HCRTR2: variants seen among roughly 807,000 people sequenced by gnomAD.
The protein encoded by HCRTR2 is orexin receptor type 2.
Under a neutral mutation model 49.0 loss-of-function variants are expected in HCRTR2, and 22 were observed. The ratio of observed to expected loss-of-function variants is 0.45; its 90% CI spans 0.32 to 0.64. The LOEUF is 0.64. Ranked by LOEUF, HCRTR2 falls within the 30% of genes least tolerant of loss-of-function variation. The pLI is 0.04. For missense variants in HCRTR2, 491 were observed against 559.4 expected, an observed-to-expected ratio of 0.88 and a Z score of 1.23; for synonymous variants, 236 against 205.3, an observed-to-expected ratio of 1.15 and a Z score of -1.28.
chr6:55,240,255 G>A lies in HCRTR2; in HGVS notation c.224-8384G>A, dbSNP rs557331634. ...CGCCTGTAGTTCCAGCTACTCAGGAGGCTGAGGCAGGAGAATGGCGTGAAC... is the reference window on the plus strand; with the variant it reads ...CGCCTGTAGTTCCAGCTACTCAGGAAGCTGAGGCAGGAGAATGGCGTGAAC... On this transcript the variant is annotated intron_variant, in intron 1 of 6. Transcript: ENST00000370862. Among the ~76,000 whole-genome samples the A allele has an allele frequency of 1.3e-4, 20 of 150,674 alleles. No individual in the cohort carries two copies. The South Asian group carries it at 4.2e-3, about 32-fold the overall frequency.
upstream of HCRTR2, among the ~76,000 whole-genome samples, chr6:55,173,895 A>C (rs184511033): frequency 3.9e-3 from 587 of 152,346 alleles, 4 homozygotes; most frequent in Middle Eastern, 0.017. Context: ...GTCAAATGTT[A>C]AAATAAGTTT....
chr6:55,222,358 C>T (rs939467149), intron 1 of HCRTR2, among the ~76,000 whole-genome samples: 4 of 150,122 alleles, frequency 2.7e-5, no homozygotes, highest in Admixed American at 6.6e-5. Flanking sequence ...CTTTGTACAG[C>T]CACTGTGAAA....
intron 1 of HCRTR2, among the ~76,000 whole-genome samples, chr6:55,149,297 A>G (rs936028262): frequency 6.6e-6 from 1 of 152,156 alleles, no homozygotes; most frequent in South Asian, 2.1e-4. Flanking sequence ...GAAGTCATCA[A>G]TATGTTTCAT....
chr6:55,163,577 A>C (rs1764836815), intron 1 of HCRTR2, among the ~76,000 whole-genome samples: 1 of 152,226 alleles, frequency 6.6e-6, no homozygotes, highest in Admixed American at 6.5e-5. Context: ...AGCCATATGC[A>C]GAAAACTGAA....
chr6:55,138,601 G>A (rs1243127412), intron 1 of HCRTR2, among the ~76,000 whole-genome samples: 2 of 152,166 alleles, frequency 1.3e-5, no homozygotes, highest in Non-Finnish European at 2.9e-5. Flanking sequence ...TTACATATAT[G>A]AATTCCTTCT....
chr6:55,208,326 A>T (rs1248711197), intron 1 of HCRTR2, among the ~76,000 whole-genome samples: 23 of 146,146 alleles, frequency 1.6e-4, no homozygotes, highest in African/African-American at 5.9e-4. Flanking sequence ...AAATAAAAAA[A>T]TAAAAAAAAA....
At chr6:55,202,898 C>T (rs1452238399) in intron 1 of HCRTR2, among the ~76,000 whole-genome samples, 1 of 152,198 alleles carries the variant, frequency 6.6e-6, no homozygotes, top group African/African-American at 2.4e-5. Flanking sequence ...CTCCCTGCCA[C>T]CCAACGCACA....
At position 55,265,790 on chromosome 6, in the gene HCRTR2, T is replaced by G. The variant is rs532674675; in HGVS notation, c.762+1968T>G. On this transcript the variant is annotated intron_variant, in intron 4 of 6. Coordinates refer to ENST00000370862, the MANE Select transcript of HCRTR2 (RefSeq NM_001384272.1). ...TCCACCAAGTAGTAGTGACATGAAT[T>G]TTGTAAATGGCTTAAATTTTTGTGA... Among the ~76,000 whole-genome samples the G allele has an allele frequency of 8.5e-4, 130 of 152,178 alleles. No homozygotes were observed. In the Middle Eastern group the frequency reaches 0.01, roughly 12 times the overall value.
At chr6:55,106,818 T>G (rs1763981343) in intron 1 of HCRTR2, among the ~76,000 whole-genome samples, 1 of 152,138 alleles carries the variant, frequency 6.6e-6, no homozygotes, top group South Asian at 2.1e-4. Context: ...GTGCTGTTAT[T>G]TTATACAAAT....
At chr6:55,225,420 C>T (rs1765984730) in intron 1 of HCRTR2, among the ~76,000 whole-genome samples, 2 of 152,176 alleles carry the variant, frequency 1.3e-5, no homozygotes, top group South Asian at 4.1e-4. Flanking sequence ...AGTGACTCTA[C>T]TCCAAAGTAA....
intron 1 of HCRTR2, among the ~76,000 whole-genome samples, chr6:55,121,842 GT>G (rs889735040): frequency 3.3e-5 from 5 of 152,236 alleles, no homozygotes; most frequent in Middle Eastern, 6.8e-3. Flanking sequence ...GCTTTTTGAT[GT>G]GCTGCTGGAT....
chr6:55,163,672 C>A (rs560448177), intron 1 of HCRTR2, among the ~76,000 whole-genome samples: 29 of 152,214 alleles, frequency 1.9e-4, no homozygotes, highest in Admixed American at 9.8e-4. Context: ...ACCATAAGAA[C>A]CCTAGAAGAA....
Position 55,132,766 on chromosome 6 carries a change from T to C in HCRTR2, c.-378+26221T>C, listed in dbSNP as rs555599640. Among the ~76,000 whole-genome samples the C allele has an allele frequency of 1.9e-4, 25 of 134,234 alleles. No homozygotes were observed. The South Asian group carries it at 5.6e-3, about 30-fold the overall frequency. The allele number at this position is 134,234 out of a possible 152,430, so 88.1% of individuals were successfully genotyped here. A position where few individuals can be genotyped will look rare whatever the true frequency, so the allele number is the denominator to read the frequency against. Reference sequence around the variant, plus strand: ...CTCTCTCTCTCTTTTTTTTTTTTTTTCGCTGAAAATTATAAAGAGAAACAA... The same window carrying C: ...CTCTCTCTCTCTTTTTTTTTTTTTTCCGCTGAAAATTATAAAGAGAAACAA... On this transcript the variant is annotated intron_variant, in intron 1 of 7. Transcript: ENST00000615358.
rs1226092076 is a variant in HCRTR2, at chr6:55,263,963, A to G, written c.762+141A>G. The G allele has an allele frequency of 7.3e-6, 5 of 680,406 alleles. No individual in the cohort carries two copies. The African/African-American group carries it at 8.9e-5, about 12-fold the overall frequency. 42.1% of individuals were successfully genotyped at this position (680,406 alleles called of 1,614,324 possible). A position where few individuals can be genotyped will look rare whatever the true frequency, so the allele number is the denominator to read the frequency against. Reference sequence around the variant, plus strand: ...TTTAAGAATGCATTGAACCAATATAACATGTTCATAAAAGTATTATATTGT... The same window carrying G: ...TTTAAGAATGCATTGAACCAATATAGCATGTTCATAAAAGTATTATATTGT... On this transcript the variant is annotated intron_variant, in intron 4 of 6. Transcript: ENST00000370862.
chr6:55,196,032 A>C (rs2127281184), intron 1 of HCRTR2, among the ~76,000 whole-genome samples: 1 of 152,284 alleles, frequency 6.6e-6, no homozygotes, highest in South Asian at 2.1e-4. Context: ...AATTAAAATA[A>C]ATTATTTTTA....
At chr6:55,133,478 T>C (rs896515251) in intron 1 of HCRTR2, among the ~76,000 whole-genome samples, 8 of 151,852 alleles carry the variant, frequency 5.3e-5, no homozygotes, top group Admixed American at 2.6e-4. Context: ...AGTAAAATTA[T>C]GATATCCATT....
At chr6:55,228,770 T>G (rs908573503) in intron 1 of HCRTR2, among the ~76,000 whole-genome samples, 3 of 152,162 alleles carry the variant, frequency 2.0e-5, no homozygotes, top group Admixed American at 6.5e-5. Context: ...ATTAAAAATT[T>G]TAATCTCTTT....
At chr6:55,263,454 G>T (rs1766805339) in intron 3 of HCRTR2, among the ~76,000 whole-genome samples, 1 of 151,968 alleles carries the variant, frequency 6.6e-6, no homozygotes, top group Admixed American at 6.6e-5. Context: ...CACAAATTAA[G>T]AAATAGCTAA....
At chr6:55,238,223 T>C (rs1766251099) in intron 1 of HCRTR2, among the ~76,000 whole-genome samples, 1 of 152,146 alleles carries the variant, frequency 6.6e-6, no homozygotes, top group South Asian at 2.1e-4. Context: ...GCAATATACC[T>C]GCTAATCATC....
Sources: gnomAD v4.1 joint callset for allele counts (sites outside exome capture counted in the v4.1 genomes callset) on GRCh38, gnomAD v4.1.1 for gene constraint, MANE v1.5 for transcripts, NCBI Gene and HGNC (gene_info 2026-07-23, HGNC 2026-07-21) for gene names.